The following LIMCH1 variants were observed in gnomAD, a reference collection of about 807,000 sequenced individuals.
LIMCH1 encodes LIM and calponin homology domains 1.
A neutral mutation model predicts 176.5 loss-of-function variants in LIMCH1; 113 were observed. The ratio of observed to expected loss-of-function variants is 0.64; its 90% confidence interval spans 0.55 to 0.75. LIMCH1 has a LOEUF of 0.75. Among genes scored for constraint, LIMCH1 ranks in the 30% least tolerant of loss-of-function variants. The pLI, the probability that LIMCH1 is intolerant of heterozygous loss-of-function variation, is 0.00. For missense variants in LIMCH1, 1,674 were observed against 1,814.9 expected (o/e 0.92, Z 1.41); for synonymous variants, 619 against 645.9 (o/e 0.96, Z 0.63).
chr4:41,460,815 A>G (rs2065266078), intron 1 of LIMCH1, among the ~76,000 whole-genome samples: 1 of 152,102 alleles, frequency 6.6e-6, no homozygotes, highest in Admixed American at 6.6e-5. Context: ...ACGGATGTTC[A>G]GAGCCAGAGC....
intron 1 of LIMCH1, among the ~76,000 whole-genome samples, chr4:41,460,476 A>ATATATATATATATATATATATATATC (rs965621988): frequency 1.8e-4 from 25 of 142,662 alleles, no homozygotes; most frequent in African/African-American, 5.7e-4. Flanking sequence ...ATATATATAT[A>ATATATATATATATATATATATATATC]TATCTTATAA....
chr4:41,455,082 A>G (rs1005259622), intron 1 of LIMCH1, among the ~76,000 whole-genome samples: 1 of 151,942 alleles, frequency 6.6e-6, no homozygotes, highest in African/African-American at 2.4e-5. Context: ...GTATTTCTCT[A>G]TGGGTTTGAG....
chr4:41,408,586 C>T (rs1489203150), intron 1 of LIMCH1, among the ~76,000 whole-genome samples: 2 of 152,150 alleles, frequency 1.3e-5, no homozygotes, highest in Non-Finnish European at 2.9e-5. Context: ...TCCAATGTTC[C>T]TCCTGGACCC....
At chr4:41,650,150 T>G (rs1433006324) in intron 17 of LIMCH1, among the ~76,000 whole-genome samples, 1 of 152,186 alleles carries the variant, frequency 6.6e-6, no homozygotes, top group African/African-American at 2.4e-5. Flanking sequence ...GAGGTGAACA[T>G]GAAATGGAAT....
intron 2 of LIMCH1, among the ~76,000 whole-genome samples, chr4:41,497,420 C>T (rs1006515989): frequency 6.6e-6 from 1 of 152,072 alleles, no homozygotes; most frequent in Non-Finnish European, 1.5e-5. Flanking sequence ...TAGCTGTGGT[C>T]TCTAAGGAAT....
chr4:41,690,314 A>G (rs1724494942), intron 30 of LIMCH1, among the ~76,000 whole-genome samples: 1 of 152,202 alleles, frequency 6.6e-6, no homozygotes, highest in Non-Finnish European at 1.5e-5. Context: ...GTAGGTGTCA[A>G]TAAATATTTT....
chr4:41,446,680 A>G (rs2063322010), intron 1 of LIMCH1, among the ~76,000 whole-genome samples: 2 of 152,388 alleles, frequency 1.3e-5, no homozygotes, highest in South Asian at 4.1e-4. Context: ...ATGTGTTTAC[A>G]ATTAAACTAG....
intron 1 of LIMCH1, among the ~76,000 whole-genome samples, chr4:41,561,936 G>A (rs1584134226): frequency 6.6e-6 from 1 of 152,220 alleles, no homozygotes; most frequent in Non-Finnish European, 1.5e-5. Flanking sequence ...CCTCTAAAAA[G>A]CCTTCTCTCT....
At chr4:41,556,814 T>A (rs1002654013) in intron 1 of LIMCH1, among the ~76,000 whole-genome samples, 1 of 152,016 alleles carries the variant, frequency 6.6e-6, no homozygotes, top group Non-Finnish European at 1.5e-5. Flanking sequence ...ATTTGAGGAG[T>A]GTTTTTGAAA....
intron 1 of LIMCH1, among the ~76,000 whole-genome samples, chr4:41,430,265 T>C (rs1237180402): frequency 6.6e-6 from 1 of 152,180 alleles, no homozygotes; most frequent in Non-Finnish European, 1.5e-5. Flanking sequence ...TTATTATATT[T>C]ATCTATTTAT....
intron 1 of LIMCH1, among the ~76,000 whole-genome samples, chr4:41,440,458 CT>C (rs2062578467): frequency 6.6e-6 from 1 of 152,068 alleles, no homozygotes. Context: ...CATTGGGTTT[CT>C]TTGGCCTGAG....
intron 23 of LIMCH1, 55 bp from the exon 24 acceptor site, chr4:41,679,951 C>A: frequency 1.7e-6 from 2 of 1,205,944 alleles, no homozygotes; most frequent in South Asian, 1.3e-5. Context: ...GGGGAAAATT[C>A]CCGATGACGT....
chr4:41,461,421 A>G (rs566462679), intron 1 of LIMCH1, among the ~76,000 whole-genome samples: 40 of 152,228 alleles, frequency 2.6e-4, no homozygotes, highest in Non-Finnish European at 3.7e-4. Flanking sequence ...TGAGTTGCAC[A>G]CTTTCTATTG....
At position 41,526,787 on chromosome 4, in the gene LIMCH1, C is replaced by G. The variant is rs2076702809; in HGVS notation, c.237+2309C>G. Among the ~76,000 whole-genome samples, 4 of 152,318 alleles carry G rather than the reference C, an allele frequency of 2.6e-5. No individual in the cohort carries two copies. The South Asian group carries it at 8.3e-4, about 32-fold the overall frequency. Reference sequence around the variant, plus strand: ...CATCACCAGTCCTGTGCACCTATTTCCCAATGTAAGTGAAGGCATCATAGA... The same window carrying G: ...CATCACCAGTCCTGTGCACCTATTTGCCAATGTAAGTGAAGGCATCATAGA... On this transcript the variant is annotated intron_variant, in intron 3 of 26. Transcript: ENST00000313860.
Position 41,619,211 on chromosome 4 carries a change from G to T in LIMCH1, c.229G>T (p.Asp77Tyr), listed in dbSNP as rs143218091. The change falls in exon 6 of 32, where the codon GAC (aspartate) becomes TAC (tyrosine). Residue 77 changes from aspartate (D) to tyrosine (Y), a missense_variant. Transcript: ENST00000503057. ...SDGRGSDSESDLPHRKLPDVK... is the reference protein window; with the variant it reads ...SDGRGSDSESYLPHRKLPDVK... ...AGGGAGAGGAAGCGACTCTGAATCC[G>T]ACTTGCCTCATCGGAAGCTGCCAGA... is the stretch of plus-strand genomic sequence containing the variant. 7 of 1,613,998 alleles carry T rather than the reference G, an allele frequency of 4.3e-6. No individual in the cohort carries two copies. Among genetic ancestry groups the T allele is most frequent in the African/African-American group, 4.0e-5 (3 of 74,916 alleles).
At chr4:41,581,828 AAAC>A (rs1561821950) in intron 1 of LIMCH1, among the ~76,000 whole-genome samples, 6 of 150,470 alleles carry the variant, frequency 4.0e-5, no homozygotes, top group African/African-American at 7.3e-5. Flanking sequence ...AAAAAAAAAA[AAAC>A]AACAGCAAAA....
intron 1 of LIMCH1, among the ~76,000 whole-genome samples, chr4:41,593,710 GT>G (rs1223546521): frequency 6.6e-6 from 1 of 152,180 alleles, no homozygotes; most frequent in African/African-American, 2.4e-5. Context: ...AATAAAGTTT[GT>G]TAGAATACAG....
intron 1 of LIMCH1, among the ~76,000 whole-genome samples, chr4:41,427,211 C>T (rs1279076009): frequency 1.3e-5 from 2 of 152,164 alleles, no homozygotes; most frequent in Non-Finnish European, 2.9e-5. Context: ...GAGTTACTTT[C>T]ATTGTCCTTC....
intron 7 of LIMCH1, among the ~76,000 whole-genome samples, 177 bp from the exon 8 acceptor site, chr4:41,626,531 T>G (rs1173395733): frequency 6.6e-6 from 1 of 152,106 alleles, no homozygotes; most frequent in African/African-American, 2.4e-5. Context: ...AAATTCAAGG[T>G]TTTAAAACCC....
Sources: allele counts gnomAD v4.1 joint callset (sites outside exome capture counted in the v4.1 genomes callset), GRCh38; gene constraint gnomAD v4.1.1; transcripts MANE v1.5; gene names NCBI Gene and HGNC (gene_info 2026-07-23, HGNC 2026-07-21).